Variants in ANKS1B observed in about 807,000 individuals in gnomAD.
The protein encoded by ANKS1B is ankyrin repeat and sterile alpha motif domain-containing protein 1B.
ANKS1B carries 36 observed loss-of-function variants against 148.3 expected under a neutral mutation model. The observed-to-expected ratio is 0.24, with a 90% confidence interval of 0.19 to 0.32. ANKS1B has a LOEUF of 0.32. Ranked by LOEUF, ANKS1B falls within the 10% of genes least tolerant of loss-of-function variation. The pLI, the probability that ANKS1B is intolerant of heterozygous loss-of-function variation, is 1.00. For synonymous variants in ANKS1B, 542 were observed against 560.8 expected (o/e 0.97, Z 0.47); for missense variants, 1,157 against 1,542.6 (o/e 0.75, Z 4.19).
intron 17 of ANKS1B, among the ~76,000 whole-genome samples, chr12:98,999,042 T>C (rs17028962): frequency 0.044 from 6,661 of 152,266 alleles, 294 homozygotes; most frequent in African/African-American, 0.099. Flanking sequence ...GACAAAGCTG[T>C]CCCTAAGTCC....
At chr12:99,822,856 A>C (rs1233307156) in intron 2 of ANKS1B, among the ~76,000 whole-genome samples, 1 of 152,192 alleles carries the variant, frequency 6.6e-6, no homozygotes, top group African/African-American at 2.4e-5. Context: ...TTCTTTGAGA[A>C]ATCTCCAAAC....
intron 6 of ANKS1B, among the ~76,000 whole-genome samples, chr12:99,776,633 A>C (rs1438320181): frequency 6.6e-6 from 1 of 152,026 alleles, no homozygotes; most frequent in African/African-American, 2.4e-5. Context: ...AGAGAAACCA[A>C]AACTCCAGAG....
At chr12:98,996,678 T>A (rs1374205000) in intron 17 of ANKS1B, among the ~76,000 whole-genome samples, 1 of 150,894 alleles carries the variant, frequency 6.6e-6, no homozygotes, top group Admixed American at 6.6e-5. Context: ...CTGGGCATGG[T>A]GGTGGGCGCC....
At position 99,405,350 on chromosome 12, in the gene ANKS1B, C is replaced by T. The variant is rs1162909206; in HGVS notation, c.1576-5539G>A. Among the ~76,000 whole-genome samples, 4 of 145,086 alleles carry T rather than the reference C, an allele frequency of 2.8e-5. No individual in the cohort carries two copies. In the East Asian group the frequency reaches 5.8e-4, roughly 21 times the overall value. The stretch of plus-strand genomic sequence containing the variant: ...AAAACTTTTCAAGACATAGACAGTA[C>T]AATAAGACATAAATAGAAACAACAA... On this transcript the variant is annotated intron_variant, in intron 11 of 26. Coordinates refer to ENST00000683438, the MANE Select transcript of ANKS1B (RefSeq NM_001352186.2).
intron 14 of ANKS1B, among the ~76,000 whole-genome samples, chr12:99,212,418 C>CT (rs554735061): frequency 1.1e-3 from 164 of 151,684 alleles, no homozygotes; most frequent in Admixed American, 1.8e-3. Context: ...CAACAGCTGA[C>CT]TTTCCCCCTA....
chr12:98,938,510 A>G (rs1332822193), intron 17 of ANKS1B, among the ~76,000 whole-genome samples: 3 of 152,340 alleles, frequency 2.0e-5, no homozygotes, highest in African/African-American at 7.2e-5. Flanking sequence ...GCTGAGAACC[A>G]TTGTTTCAAA....
intron 1 of ANKS1B, among the ~76,000 whole-genome samples, chr12:99,908,560 G>T (rs542548812): frequency 6.6e-6 from 1 of 152,032 alleles, no homozygotes; most frequent in African/African-American, 2.4e-5. Context: ...CAGCCTGAGC[G>T]ACAGAAAGAA....
intron 10 of ANKS1B, among the ~76,000 whole-genome samples, chr12:99,460,039 G>A (rs12310864): frequency 0.044 from 6,734 of 152,136 alleles, 515 homozygotes; most frequent in African/African-American, 0.16. Context: ...AAACAGCATG[G>A]TACTGGTATA....
At chr12:98,893,690 C>T (rs1295657830) in intron 17 of ANKS1B, 1 of 152,226 alleles carries the variant, frequency 6.6e-6, no homozygotes, top group African/African-American at 2.4e-5. Context: ...TCCAACGTGC[C>T]CGGCGCACAT....
chr12:99,121,001 T>C lies in ANKS1B; in HGVS notation c.2526+33288A>G, dbSNP rs117306711. 4.1e-3 allele frequency among the ~76,000 whole-genome samples: 625 copies of C among 152,220 alleles called. 25 individuals are homozygous for C. The East Asian group carries it at 0.086, about 21-fold the overall frequency. On this transcript the variant is annotated intron_variant, in intron 15 of 26. Transcript: ENST00000683438. ...TAAGAGAATGATGACTAACCTAATT[T>C]GAGATTTAAAGGGATCTGATAGGAG...
chr12:99,605,598 G>C (rs961239026), intron 9 of ANKS1B, among the ~76,000 whole-genome samples: 1 of 151,968 alleles, frequency 6.6e-6, no homozygotes, highest in Non-Finnish European at 1.5e-5. Context: ...GTCTTTCTGT[G>C]TCTGGCTTAT....
downstream of ANKS1B, among the ~76,000 whole-genome samples, chr12:98,740,376 C>T (rs1284546117): frequency 6.6e-6 from 1 of 152,336 alleles, no homozygotes; most frequent in South Asian, 2.1e-4. Context: ...CATGATGCTG[C>T]GATGTCTGCC....
intron 15 of ANKS1B, among the ~76,000 whole-genome samples, chr12:99,112,795 C>A (rs976225788): frequency 6.6e-6 from 1 of 152,184 alleles, no homozygotes; most frequent in Admixed American, 6.5e-5. Context: ...TCTTTCCACT[C>A]CCAGCCATGT....
At chr12:98,749,139 C>T (rs2097994957) in intron 26 of ANKS1B, among the ~76,000 whole-genome samples, 2 of 152,216 alleles carry the variant, frequency 1.3e-5, no homozygotes, top group South Asian at 2.1e-4. Flanking sequence ...TGCTCTGTCG[C>T]CCAGGCTGGA....
chr12:99,389,155 A>T (rs1160830290), intron 12 of ANKS1B, among the ~76,000 whole-genome samples: 1 of 152,198 alleles, frequency 6.6e-6, no homozygotes, highest in Admixed American at 6.5e-5. Flanking sequence ...GGCAAGGAAC[A>T]ATCAGTCTAT....
intron 17 of ANKS1B, among the ~76,000 whole-genome samples, chr12:98,925,473 G>C (rs1281688780): frequency 2.6e-5 from 4 of 152,094 alleles, no homozygotes; most frequent in Non-Finnish European, 5.9e-5. Flanking sequence ...AGCTAGTTCT[G>C]ACTGTTTTCA....
At chr12:99,567,210 C>T (rs960980453) in intron 9 of ANKS1B, among the ~76,000 whole-genome samples, 2 of 152,102 alleles carry the variant, frequency 1.3e-5, no homozygotes, top group Non-Finnish European at 2.9e-5. Flanking sequence ...ATATAAGCTG[C>T]CTCTCTCCAT....
In ANKS1B at chr12:98,881,006, A is replaced by T. The variant is rs200123791; in HGVS notation, c.2779-48870T>A. On this transcript the variant is annotated intron_variant, in intron 17 of 26. Transcript: ENST00000683438. ...ATTCCCTGCTTGGAAAGTTTTTTTT[A>T]AAAAAAATTTTTTAATGAATGATGA... Among the ~76,000 whole-genome samples, 1,245 of 137,028 alleles carry T rather than the reference A, an allele frequency of 9.1e-3. 27 individuals carry two copies. The highest frequency in any genetic ancestry group is 0.083 in the East Asian group (352 of 4,230). 89.9% of individuals were successfully genotyped at this position (137,028 alleles called of 152,430 possible).
chr12:99,051,540 T>C (rs1046679859), intron 17 of ANKS1B, among the ~76,000 whole-genome samples: 1 of 152,230 alleles, frequency 6.6e-6, no homozygotes, highest in Non-Finnish European at 1.5e-5. Context: ...AGTAGCCATG[T>C]GATGAGTGTC....
Sources: allele counts gnomAD v4.1 joint callset (sites outside exome capture counted in the v4.1 genomes callset), GRCh38; gene constraint gnomAD v4.1.1; transcripts MANE v1.5; gene names NCBI Gene and HGNC (gene_info 2026-07-23, HGNC 2026-07-21).